Variants in ERBB2 observed in about 807,000 individuals in gnomAD.
ERBB2 encodes the protein erb-b2 receptor tyrosine kinase 2, also known as receptor tyrosine-protein kinase erbB-2.
Under a neutral mutation model 149.0 loss-of-function variants are expected in ERBB2, and 61 were observed. That is an observed-to-expected ratio of 0.41 (90% CI 0.33 to 0.51). ERBB2 has a LOEUF of 0.51. ERBB2 is among the 20% of genes least tolerant of loss of function. The probability of loss-of-function intolerance (pLI) is 0.25; values close to 1 mark genes in which losing one functional copy is unlikely to be tolerated. For synonymous variants in ERBB2, 633 were observed against 678.8 expected (o/e 0.93, Z 1.05); for missense variants, 1,205 against 1,655.1 (o/e 0.73, Z 4.72).
chr17:39,710,285 C>T (rs2145512878), intron 6 of ERBB2, 55 bp from the exon 7 acceptor site: 1 of 1,612,812 alleles, frequency 6.2e-7, no homozygotes, highest in Non-Finnish European at 8.5e-7. Context: ...GCCCTATTGC[C>T]CCTGGCACAC....
upstream of ERBB2, among the ~76,000 whole-genome samples, chr17:39,691,085 A>G (rs2057685510): frequency 1.3e-5 from 2 of 152,026 alleles, no homozygotes; most frequent in South Asian, 4.1e-4. Flanking sequence ...CGGCAAGCTG[A>G]CCATGTTCTT....
intron 15 of ERBB2, 198 bp downstream of exon 15, chr17:39,717,678 A>G: frequency 2.1e-6 from 1 of 482,312 alleles, no homozygotes; most frequent in Non-Finnish European, 3.6e-6. Flanking sequence ...CACTGTTAAT[A>G]ATTTGAAATA....
upstream of ERBB2, among the ~76,000 whole-genome samples, chr17:39,691,574 T>TACACACACACACACACACAC (rs1173386743): frequency 8.2e-6 from 1 of 122,064 alleles, no homozygotes; most frequent in Non-Finnish European, 1.6e-5. Context: ...TATATATATA[T>TACACACACACACACACACAC]ACACACACAC....
In ERBB2 at chr17:39,700,300, C is replaced by A; in HGVS notation, c.62C>A (p.Ala21Glu). The A allele has an allele frequency of 1.4e-6, 2 of 1,426,156 alleles. No homozygotes were observed. The highest frequency in any genetic ancestry group is 1.8e-6 in the Non-Finnish European group (2 of 1,091,560). The allele number at this position is 1,426,156 out of a possible 1,614,324, so 88.3% of individuals were successfully genotyped here. A position where few individuals can be genotyped will look rare whatever the true frequency, so the allele number is the denominator to read the frequency against. Residue 21 changes from alanine (A) to glutamate (E), a missense_variant, in exon 1 of 27, where the codon GCG becomes GAG. By Grantham distance (107) the Ala-to-Glu change is moderately radical (BLOSUM62 -1). Coordinates refer to ENST00000269571, the MANE Select transcript of ERBB2 (RefSeq NM_004448.4). The part of the protein sequence containing the change: ...LLLALLPPGA[A>E]STQVCTGTDM... ...CTCGCCCTCTTGCCCCCCGGAGCCGCGAGCACCCAAGGTGGGTCTGGTGTG... is the reference window on the plus strand; with the variant it reads ...CTCGCCCTCTTGCCCCCCGGAGCCGAGAGCACCCAAGGTGGGTCTGGTGTG...
rs577449121 is a variant in ERBB2, at chr17:39,715,724, C to T, written c.1314-16C>T. ...GGGAAGGGGTCCGTGGTAAGGTGCC[C>T]ACCTTTCTCCCATAGTGGCGCCTAC... On this transcript the variant is annotated splice_polypyrimidine_tract_variant and intron_variant, in intron 11 of 26. Coordinates refer to ENST00000269571, the MANE Select transcript of ERBB2 (RefSeq NM_004448.4). 1.2e-6 allele frequency: 2 copies of T among 1,605,264 alleles called. No homozygotes were observed. The highest frequency in any genetic ancestry group is 4.5e-5 in the East Asian group (2 of 44,874).
At chr17:39,722,410 G>T (rs2059499168) in intron 16 of ERBB2, among the ~76,000 whole-genome samples, 1 of 152,106 alleles carries the variant, frequency 6.6e-6, no homozygotes, top group African/African-American at 2.4e-5. Flanking sequence ...AGCTGAGGTG[G>T]AAAGACTGCT....
At chr17:39,691,556 A>AAAAAAAAAAATATATATAT (rs573116217), upstream of ERBB2, among the ~76,000 whole-genome samples, 1 of 84,202 alleles carries the variant, frequency 1.2e-5, no homozygotes, top group African/African-American at 5.0e-5. Flanking sequence ...TAAAAAAAAA[A>AAAAAAAAAAATATATATAT]ATATATATAT....
upstream of ERBB2, among the ~76,000 whole-genome samples, chr17:39,698,956 A>AT: frequency 1.4e-5 from 2 of 143,960 alleles, no homozygotes; most frequent in Non-Finnish European, 1.6e-5. Flanking sequence ...TCTTGTTGAA[A>AT]TTAAAAAAAA....
upstream of ERBB2, chr17:39,695,255 G>C (rs2057832775): frequency 1.3e-5 from 2 of 152,342 alleles, no homozygotes; most frequent in African/African-American, 2.4e-5. Context: ...TACTCCTGGG[G>C]CCTGGGCCTG....
intron 15 of ERBB2, among the ~76,000 whole-genome samples, chr17:39,717,819 A>T (rs906843592): frequency 6.6e-6 from 1 of 151,638 alleles, no homozygotes; most frequent in Admixed American, 6.6e-5. Flanking sequence ...ACACACACAC[A>T]CATATGTATT....
chr17:39,708,551 T>C lies in ERBB2; in HGVS notation c.439+17T>C, dbSNP rs2145448688. ...GCCTCACAGGTGGCCTTCACCGTCATTGAAACCTTCTCTTGGTTATTCAGA... is the reference window on the plus strand; with the variant it reads ...GCCTCACAGGTGGCCTTCACCGTCACTGAAACCTTCTCTTGGTTATTCAGA... On this transcript the variant is annotated intron_variant, in intron 3 of 26. Transcript: ENST00000269571. The C allele has an allele frequency of 6.2e-7, 1 of 1,603,014 alleles. No individual in the cohort carries two copies.
At chr17:39,716,877 G>A (rs4252636) in intron 14 of ERBB2, 315 of 512,262 alleles carry the variant, frequency 6.1e-4, no homozygotes, top group Admixed American at 9.0e-4. Context: ...GGGCTCAGGC[G>A]TCAGACTACC....
intron 15 of ERBB2, among the ~76,000 whole-genome samples, 194 bp from the exon 16 acceptor site, chr17:39,719,593 C>T (rs183598341): frequency 7.2e-5 from 11 of 152,304 alleles, no homozygotes; most frequent in Admixed American, 5.2e-4. Context: ...CGGGGCATGC[C>T]GGTTCCTTGG....
At position 39,718,150 on chromosome 17, in the gene ERBB2, A is replaced by G. The variant is rs111989209; in HGVS notation, c.1898+670A>G. On this transcript the variant is annotated intron_variant, in intron 15 of 26. Coordinates refer to ENST00000269571, the MANE Select transcript of ERBB2 (RefSeq NM_004448.4). ...TAACAAATAGAATCATAGATCATAC[A>G]TATTGTTTGCAAATTGCTTTTTCTC... 1.5e-3 allele frequency among the ~76,000 whole-genome samples: 223 copies of G among 152,328 alleles called. 2 individuals carry two copies. The highest frequency in any genetic ancestry group is 4.8e-3 in the African/African-American group (200 of 41,574).
intron 15 of ERBB2, among the ~76,000 whole-genome samples, chr17:39,718,338 T>G (rs1352810981): frequency 6.6e-6 from 1 of 152,212 alleles, no homozygotes; most frequent in Non-Finnish European, 1.5e-5. Context: ...AAAGCCAACG[T>G]GCCCTTTCAC....
chr17:39,700,155 C>G lies in ERBB2; in HGVS notation c.-84C>G. 1 of 1,329,776 alleles carries G rather than the reference C, an allele frequency of 7.5e-7. No individual in the cohort carries two copies. The allele number at this position is 1,329,776 out of a possible 1,614,324, so 82.4% of individuals were successfully genotyped here. The stretch of plus-strand genomic sequence containing the variant: ...CCCTTTACTGCGCCGCGCGCCCGGC[C>G]CCCACCCCTCGCAGCACCCCGCGCC... On this transcript the variant is annotated 5_prime_UTR_variant, in exon 1 of 27. Transcript: ENST00000269571.
rs1479296294 is a variant in ERBB2 at position 39,726,056 on chromosome 17, G to A, written c.2872+203G>A. The A allele has an allele frequency of 1.9e-5, 11 of 564,238 alleles. No homozygotes were observed. The highest frequency in any genetic ancestry group is 3.4e-5 in the Non-Finnish European group (11 of 326,102). 35.0% of individuals were successfully genotyped at this position (564,238 alleles called of 1,614,324 possible). ...GAACACTCTTGTACAAAATTAAGCTGGGCACAGTGGCTCATGCCTGTAATC... is the reference window on the plus strand; with the variant it reads ...GAACACTCTTGTACAAAATTAAGCTAGGCACAGTGGCTCATGCCTGTAATC... On this transcript the variant is annotated intron_variant, in intron 23 of 26. Transcript: ENST00000269571. The surrounding 1 kb of genome is among the most constrained non-coding windows in gnomAD (Gnocchi z 5.1).
At position 39,704,975 on chromosome 17, in the gene ERBB2, A is replaced by C. The variant is rs1404797369; in HGVS notation, c.74-2015A>C. ...GATTTGTGTGTGTGCAGTTAGGCCTAGTGGAAGGAATGTGGGATCTGAAGG... is the reference window on the plus strand; with the variant it reads ...GATTTGTGTGTGTGCAGTTAGGCCTCGTGGAAGGAATGTGGGATCTGAAGG... On this transcript the variant is annotated intron_variant, in intron 1 of 26. Coordinates refer to ENST00000269571, the MANE Select transcript of ERBB2 (RefSeq NM_004448.4). Among the ~76,000 whole-genome samples, 4 of 151,876 alleles carry C rather than the reference A, an allele frequency of 2.6e-5. No individual in the cohort carries two copies. In the East Asian group the frequency reaches 5.8e-4, roughly 22 times the overall value.
At chr17:39,708,068 C>T (rs532987868) in intron 2 of ERBB2, 2 of 418,366 alleles carry the variant, frequency 4.8e-6, no homozygotes, top group East Asian at 7.7e-5. Context: ...AACTGAGATA[C>T]AGAGAGGGCA....
Sources: gnomAD v4.1 joint callset for allele counts (sites outside exome capture counted in the v4.1 genomes callset) on GRCh38, gnomAD v4.1.1 for gene constraint, Gnocchi (gnomAD v3.1) non-coding constraint, MANE v1.5 for transcripts, NCBI Gene and HGNC (gene_info 2026-07-23, HGNC 2026-07-21) for gene names.